TINAGL1: variants seen among roughly 807,000 people sequenced by gnomAD.
TINAGL1 encodes tubulointerstitial nephritis antigen-like.
TINAGL1 carries 34 observed loss-of-function variants against 62.0 expected under a neutral mutation model. The observed-to-expected ratio is 0.55, with a 90% CI of 0.42 to 0.73. The LOEUF (loss-of-function observed/expected upper bound fraction) is 0.73. TINAGL1 is among the 30% of genes least tolerant of loss of function. TINAGL1 has a pLI of 0.00. For missense variants in TINAGL1, 516 were observed against 653.2 expected, an observed-to-expected ratio of 0.79 and a Z score of 2.29; for synonymous variants, 221 against 249.7, an observed-to-expected ratio of 0.88 and a Z score of 1.08.
rs1330542029 is a variant in TINAGL1, at chr1:31,577,952, A to C, written c.310+494A>C. On this transcript the variant is annotated intron_variant, in intron 2 of 11. Coordinates refer to ENST00000271064, the MANE Select transcript of TINAGL1 (RefSeq NM_022164.3). This position sits in a 1 kb window ranked among gnomAD's most constrained non-coding sequence, Gnocchi z 5.4. ...CACTTGCGTTCCTTCCCACAGTTCC[A>C]TGGGGCTTGGGCCGGCAGACTGCAT... is the stretch of plus-strand genomic sequence containing the variant. Among the ~76,000 whole-genome samples, 7 of 152,130 alleles carry C rather than the reference A, an allele frequency of 4.6e-5. No individual in the cohort carries two copies. Among genetic ancestry groups the C allele is most frequent in the Non-Finnish European group, 8.8e-5 (6 of 68,040 alleles).
At chr1:31,578,572 T>TGA (rs1639085562) in intron 2 of TINAGL1, among the ~76,000 whole-genome samples, 2 of 142,150 alleles carry the variant, frequency 1.4e-5, no homozygotes, top group South Asian at 2.3e-4. Context: ...TGTGTGTGTG[T>TGA]TGTCTTCAGT....
Position 31,585,309 on chromosome 1 carries a change from A to G in TINAGL1, c.1016A>G (p.Gln339Arg). The G allele has an allele frequency of 6.2e-7, 1 of 1,609,524 alleles. No homozygotes were observed. The highest frequency in any genetic ancestry group is 8.5e-7 in the Non-Finnish European group (1 of 1,177,240). ...TATGTTAATAACAATGACATCTACC[A>G]GGTCACTCCTGTCTACCGCCTCGGC... The part of the protein sequence containing the change: ...NSYVNNNDIY[Q>R]VTPVYRLGSN... Residue 339 changes from glutamine (Q) to arginine (R), a missense_variant, in exon 8 of 12, where the codon CAG becomes CGG. Gln to Arg is a conservative substitution (Grantham distance 43). Transcript: ENST00000271064. The surrounding 1 kb of genome is among the most constrained non-coding windows in gnomAD (Gnocchi z 4.3).
At position 31,587,266 on chromosome 1, in the gene TINAGL1, C is replaced by A. The variant is rs962726953; in HGVS notation, c.*287C>A. On this transcript the variant is annotated 3_prime_UTR_variant, in exon 12 of 12. Coordinates refer to ENST00000271064, the MANE Select transcript of TINAGL1 (RefSeq NM_022164.3). The stretch of plus-strand genomic sequence containing the variant: ...CCTCTGGCGCCCCCACTCAAGACTA[C>A]CAAAGCCAGGACACCTCAAGTCTCC... 3 of 321,856 alleles carry A rather than the reference C, an allele frequency of 9.3e-6. No homozygotes were observed. Among genetic ancestry groups the A allele is most frequent in the Admixed American group, 5.0e-5 (1 of 19,864 alleles). The allele number at this position is 321,856 out of a possible 1,614,324, so 19.9% of individuals were successfully genotyped here.
chr1:31,585,169 C>T lies in TINAGL1; in HGVS notation c.876C>T (p.Cys292=). The change falls in exon 8 of 12, where the codon TGC becomes TGT. Residue 292 remains cysteine, a synonymous_variant. Transcript: ENST00000271064. The surrounding 1 kb of genome is among the most constrained non-coding windows in gnomAD (Gnocchi z 4.3). ...TTTGCAGGGTGGTGTCTGACCACTG[C>T]TACCCCTTCTCGGGCCGTGAACGAG... ...LRRRGVVSDH[C]YPFSGRERDE... The T allele has an allele frequency of 6.3e-7, 1 of 1,589,068 alleles. No individual in the cohort carries two copies. The highest frequency in any genetic ancestry group is 8.6e-7 in the Non-Finnish European group (1 of 1,166,196).
rs916696542 is a variant in TINAGL1 at position 31,585,297 on chromosome 1, A to G, written c.1004A>G (p.Asn335Ser). ...TGCCCCAACAGCTATGTTAATAACA[A>G]TGACATCTACCAGGTCACTCCTGTC... is the stretch of plus-strand genomic sequence containing the variant. Reference protein sequence around the residue: ...AHCPNSYVNNNDIYQVTPVYR... With the variant: ...AHCPNSYVNNSDIYQVTPVYR... The change falls in exon 8 of 12, where the codon AAT (asparagine) becomes AGT (serine). Residue 335 changes from asparagine (N) to serine (S), a missense_variant. By Grantham distance (46) the Asn-to-Ser change is conservative. Transcript: ENST00000271064. This position sits in a 1 kb window ranked among gnomAD's most constrained non-coding sequence, Gnocchi z 4.3. 3.1e-6 allele frequency: 5 copies of G among 1,611,722 alleles called. No homozygotes were observed. Among genetic ancestry groups the G allele is most frequent in the Non-Finnish European group, 4.2e-6 (5 of 1,178,776 alleles).
rs1254487212 is a variant in TINAGL1, at chr1:31,587,372, T to G, written c.*393T>G. On this transcript the variant is annotated 3_prime_UTR_variant, in exon 12 of 12. Transcript: ENST00000271064. ...TCTTGCTCCGTTGCCCAGGTTGGAG[T>G]GCAGTGGCCCATCAGGGCTCACTGT... 6.4e-6 allele frequency: 1 copy of G among 156,270 alleles called. No homozygotes were observed. Among genetic ancestry groups the G allele is most frequent in the East Asian group, 1.8e-4 (1 of 5,426 alleles). 9.7% of individuals were successfully genotyped at this position (156,270 alleles called of 1,614,324 possible). A position where few individuals can be genotyped will look rare whatever the true frequency, so the allele number is the denominator to read the frequency against.
Position 31,577,450 on chromosome 1 carries a change from C to G in TINAGL1, c.302C>G (p.Pro101Arg). The G allele has an allele frequency of 6.2e-7, 1 of 1,608,992 alleles. No homozygotes were observed. The highest frequency in any genetic ancestry group is 8.5e-7 in the Non-Finnish European group (1 of 1,177,088). The change falls in exon 2 of 12, where the codon CCG becomes CGG. Residue 101 changes from proline (P) to arginine (R), a missense_variant. Physicochemically the swap from Pro to Arg is moderately radical, Grantham distance 103 (BLOSUM62 -2). Coordinates refer to ENST00000271064, the MANE Select transcript of TINAGL1 (RefSeq NM_022164.3). The surrounding 1 kb of genome is among the most constrained non-coding windows in gnomAD (Gnocchi z 5.4). ...CTCGGCGTGCCACCCCCTTTTCCCC[C>G]GATCCAAGGTGGGCACTAAGATGGC... ...FCLGVPPPFP[P>R]IQGCMHGGRI...
chr1:31,586,780 C>T, intron 11 of TINAGL1, 25 bp downstream of exon 11: 2 of 1,550,544 alleles, frequency 1.3e-6, no homozygotes, highest in Non-Finnish European at 1.7e-6. Context: ...CCTTTCCCCG[C>T]CCCCTCTTCC....
At chr1:31,580,767 A>G in intron 3 of TINAGL1, 1 of 1,221,210 alleles carries the variant, frequency 8.2e-7, no homozygotes, top group Non-Finnish European at 1.0e-6. Context: ...GAATTCATAG[A>G]ATGCAGCCCT....
Position 31,583,566 on chromosome 1 carries a change from T to A in TINAGL1, c.573T>A (p.His191Gln). 6.2e-7 allele frequency: 1 copy of A among 1,612,724 alleles called. No homozygotes were observed. The highest frequency in any genetic ancestry group is 8.5e-7 in the Non-Finnish European group (1 of 1,179,406). Residue 191 changes from histidine to glutamine, a missense_variant, in exon 5 of 12, where the codon CAT becomes CAA. Coordinates refer to ENST00000271064, the MANE Select transcript of TINAGL1 (RefSeq NM_022164.3). This position sits in a 1 kb window ranked among gnomAD's most constrained non-coding sequence, Gnocchi z 4.4. ...IRPSSSVMNMHEIYTVLNPGE... is the reference protein window; with the variant it reads ...IRPSSSVMNMQEIYTVLNPGE... ...CATCTTCCTCGGTCATGAACATGCA[T>A]GAAATTTATGTAAGTCCATCCTTCC...
chr1:31,587,323 T>A lies in TINAGL1; in HGVS notation c.*344T>A. 2 of 129,628 alleles carry A rather than the reference T, an allele frequency of 1.5e-5. No homozygotes were observed. Among genetic ancestry groups the A allele is most frequent in the Non-Finnish European group, 3.3e-5 (2 of 60,416 alleles). The allele number at this position is 129,628 out of a possible 1,614,324, so 8.0% of individuals were successfully genotyped here. A position where few individuals can be genotyped will look rare whatever the true frequency, so the allele number is the denominator to read the frequency against. On this transcript the variant is annotated 3_prime_UTR_variant, in exon 12 of 12. Transcript: ENST00000271064. ...ACTACCCCACCCCACTCCTGTATTC[T>A]TTTTTTTTTTTTTTTAGACAGGGTC...
Position 31,585,102 on chromosome 1 carries a change from A to G in TINAGL1, c.858-49A>G, listed in dbSNP as rs1402512497. ...GAGCTCCGTGGGCATGGCCTGGGCC[A>G]TGATGCACTGAGTCTTTCTGCCTTT... is the stretch of plus-strand genomic sequence containing the variant. On this transcript the variant is annotated intron_variant, in intron 7 of 11. Coordinates refer to ENST00000271064, the MANE Select transcript of TINAGL1 (RefSeq NM_022164.3). The surrounding 1 kb of genome is among the most constrained non-coding windows in gnomAD (Gnocchi z 4.3). 2.6e-6 allele frequency: 4 copies of G among 1,566,178 alleles called. No homozygotes were observed. The African/African-American group carries it at 5.4e-5, about 21-fold the overall frequency.
Position 31,584,335 on chromosome 1 carries a change from T to G in TINAGL1, c.583-343T>G, listed in dbSNP as rs1639327563. 1.1e-5 allele frequency: 3 copies of G among 279,076 alleles called. No individual in the cohort carries two copies. Among genetic ancestry groups the G allele is most frequent in the Non-Finnish European group, 2.1e-5 (3 of 142,302 alleles). 17.3% of individuals were successfully genotyped at this position (279,076 alleles called of 1,614,324 possible). A position where few individuals can be genotyped will look rare whatever the true frequency, so the allele number is the denominator to read the frequency against. On this transcript the variant is annotated intron_variant, in intron 5 of 11. Transcript: ENST00000271064. The surrounding 1 kb of genome is among the most constrained non-coding windows in gnomAD (Gnocchi z 4.0). ...AAGGCCTGAAGAAAGCTAAGGCCGATCAGAAGGTGCAGAGGAAAGAGGCAG... is the reference window on the plus strand; with the variant it reads ...AAGGCCTGAAGAAAGCTAAGGCCGAGCAGAAGGTGCAGAGGAAAGAGGCAG...
At chr1:31,578,606 GGT>G (rs767333257) in intron 2 of TINAGL1, among the ~76,000 whole-genome samples, 7 of 98,100 alleles carry the variant, frequency 7.1e-5, no homozygotes, top group Admixed American at 1.1e-4. Flanking sequence ...AGTGAGAGCT[GGT>G]GTGTGTGTGT....
intron 3 of TINAGL1, among the ~76,000 whole-genome samples, chr1:31,581,286 G>A (rs1262160922): frequency 6.6e-6 from 1 of 152,180 alleles, no homozygotes; most frequent in Non-Finnish European, 1.5e-5. Flanking sequence ...GGGTGGGTAG[G>A]GAGGGGATGG....
In TINAGL1 at chr1:31,585,874, A is replaced by G; in HGVS notation, c.1215A>G (p.Thr405=). 1 of 1,587,484 alleles carries G rather than the reference A, an allele frequency of 6.3e-7. No homozygotes were observed. Among genetic ancestry groups the G allele is most frequent in the Non-Finnish European group, 8.6e-7 (1 of 1,166,308 alleles). Residue 405 remains threonine, a splice_region_variant and synonymous_variant, in exon 10 of 12, where the codon ACA becomes ACG. Coordinates refer to ENST00000271064, the MANE Select transcript of TINAGL1 (RefSeq NM_022164.3). This position sits in a 1 kb window ranked among gnomAD's most constrained non-coding sequence, Gnocchi z 4.3. ...ATGGGACCCACTCAGTCAAGATCAC[A>G]GGGTGAGGGGCGTGTGGGCAGAGGG... is the stretch of plus-strand genomic sequence containing the variant. ...RRHGTHSVKI[T]GWGEETLPDG...
At chr1:31,586,587 G>GAA in intron 10 of TINAGL1, 123 bp from the exon 11 acceptor site, 1 of 1,097,442 alleles carries the variant, frequency 9.1e-7, no homozygotes, top group East Asian at 2.6e-5. Flanking sequence ...ACCTGCCTGA[G>GAA]CCCTAAGGGT....
intron 10 of TINAGL1, chr1:31,586,446 G>A (rs1557563236): frequency 1.2e-5 from 7 of 580,310 alleles, no homozygotes; most frequent in Non-Finnish European, 2.2e-5. Context: ...GTCTCTGGAG[G>A]ACCCAGGTTC....
At chr1:31,586,388 G>A (rs1164518604) in intron 10 of TINAGL1, 2 of 502,406 alleles carry the variant, frequency 4.0e-6, no homozygotes, top group African/African-American at 3.9e-5. Flanking sequence ...CCAAGTGAGG[G>A]AGGGCAGGTG....
Sources: gnomAD v4.1 joint callset for allele counts (sites outside exome capture counted in the v4.1 genomes callset) on GRCh38, gnomAD v4.1.1 for gene constraint, Gnocchi (gnomAD v3.1) non-coding constraint, MANE v1.5 for transcripts, NCBI Gene and HGNC (gene_info 2026-07-23, HGNC 2026-07-21) for gene names.